FTO: variants seen among roughly 807,000 people sequenced by gnomAD.
FTO encodes FTO alpha-ketoglutarate dependent dioxygenase.
FTO carries 47 observed loss-of-function variants against 63.9 expected under a neutral mutation model. The observed-to-expected ratio is 0.74, with a 90% CI of 0.58 to 0.94. The LOEUF (loss-of-function observed/expected upper bound fraction) is 0.94, where lower values mean the gene tolerates loss of function less well. FTO is among the 40% of genes least tolerant of loss of function. FTO has a pLI of 0.00. For missense variants in FTO, 562 were observed against 618.1 expected, an observed-to-expected ratio of 0.91 and a Z score of 0.96; for synonymous variants, 207 against 224.4, an observed-to-expected ratio of 0.92 and a Z score of 0.69.
intron 4 of FTO, among the ~76,000 whole-genome samples, chr16:53,870,760 T>A (rs1276029674): frequency 2.0e-5 from 3 of 152,230 alleles, no homozygotes; most frequent in African/African-American, 7.2e-5. Context: ...TGATATTTGT[T>A]ACTTATGTTA....
intron 8 of FTO, chr16:54,070,544 G>A (rs538513920): frequency 6.6e-6 from 1 of 152,190 alleles, no homozygotes. Context: ...GGAATCTTTA[G>A]AATATCGTCC....
chr16:54,057,008 G>C (rs2085451582), intron 8 of FTO, among the ~76,000 whole-genome samples: 1 of 152,160 alleles, frequency 6.6e-6, no homozygotes, highest in Non-Finnish European at 1.5e-5. Flanking sequence ...ATAAAGCAAG[G>C]TCCCTGCCTT....
At chr16:53,920,750 T>G (rs2081989100) in intron 7 of FTO, among the ~76,000 whole-genome samples, 1 of 152,072 alleles carries the variant, frequency 6.6e-6, no homozygotes, top group Non-Finnish European at 1.5e-5. Context: ...GATTGCTGGA[T>G]GAAGTGAGAT....
intron 1 of FTO, among the ~76,000 whole-genome samples, chr16:53,767,800 C>T (rs974649637): frequency 2.6e-5 from 4 of 152,102 alleles, no homozygotes; most frequent in Admixed American, 2.6e-4. Context: ...ATATATTATT[C>T]ACCGGCCTGA....
chr16:54,022,122 G>A (rs1424075929), intron 8 of FTO, among the ~76,000 whole-genome samples: 7 of 151,690 alleles, frequency 4.6e-5, no homozygotes, highest in South Asian at 2.1e-4. Flanking sequence ...TTTCTTTATC[G>A]GAAGAAAAAA....
chr16:53,979,399 A>G (rs1400536916), intron 8 of FTO: 2 of 398,502 alleles, frequency 5.0e-6, no homozygotes, highest in South Asian at 2.5e-4. Context: ...AGATTCATCA[A>G]GAGAGAATGC....
chr16:53,936,026 G>A (rs918770281), intron 8 of FTO, among the ~76,000 whole-genome samples: 4 of 152,190 alleles, frequency 2.6e-5, no homozygotes, highest in Non-Finnish European at 5.9e-5. Context: ...CTTTTGTTGA[G>A]TGCATTTGGT....
chr16:54,075,779 A>G (rs566114499), intron 8 of FTO, among the ~76,000 whole-genome samples: 2 of 152,336 alleles, frequency 1.3e-5, no homozygotes, highest in South Asian at 2.1e-4. Context: ...GATGAAATTA[A>G]TCTGTTTTAC....
intron 1 of FTO, among the ~76,000 whole-genome samples, chr16:53,718,578 T>C (rs1410450301): frequency 6.6e-6 from 1 of 152,168 alleles, no homozygotes; most frequent in Non-Finnish European, 1.5e-5. Context: ...CAGATAGTCA[T>C]GTCTTCAACA....
chr16:54,095,187 A>G (rs2086489020), intron 8 of FTO, among the ~76,000 whole-genome samples: 1 of 152,112 alleles, frequency 6.6e-6, no homozygotes. Context: ...CTGTAGACTT[A>G]TGCCACTGTG....
intron 7 of FTO, among the ~76,000 whole-genome samples, chr16:53,923,489 C>T (rs1436186880): frequency 6.6e-6 from 1 of 152,150 alleles, no homozygotes; most frequent in African/African-American, 2.4e-5. Flanking sequence ...TAATCATGTA[C>T]AAAATCAGTC....
chr16:54,114,453 G>A lies in FTO; in HGVS notation c.*2538G>A, dbSNP rs1409718981. ...TATCCAATAAACATATTAAAAGGAT[G>A]AGATAAGAAACCGAGAGATTTTGCT... On this transcript the variant is annotated 3_prime_UTR_variant, in exon 9 of 9. Coordinates refer to ENST00000471389, the MANE Select transcript of FTO (RefSeq NM_001080432.3). The A allele has an allele frequency of 6.6e-6, 1 of 152,190 alleles. No homozygotes were observed. The highest frequency in any genetic ancestry group is 1.5e-5 in the Non-Finnish European group (1 of 68,038). The allele number at this position is 152,190 out of a possible 1,614,324, so 9.4% of individuals were successfully genotyped here.
intron 4 of FTO, among the ~76,000 whole-genome samples, chr16:53,857,203 TGATA>T (rs916634180): frequency 6.6e-5 from 10 of 152,184 alleles, no homozygotes; most frequent in Non-Finnish European, 1.0e-4. Flanking sequence ...GCGTAGTACC[TGATA>T]GATAATTTTT....
intron 8 of FTO, among the ~76,000 whole-genome samples, chr16:54,094,749 C>T (rs747192844): frequency 4.6e-5 from 7 of 152,120 alleles, no homozygotes; most frequent in East Asian, 1.9e-4. Context: ...TGGCCTAGGA[C>T]GCCACCGAAG....
rs372713919 is a variant in FTO, at chr16:53,933,973, C to T, written c.1240-12C>T. 8 of 1,613,124 alleles carry T rather than the reference C, an allele frequency of 5.0e-6. No individual in the cohort carries two copies. In the African/African-American group the frequency reaches 1.1e-4, roughly 22 times the overall value. On this transcript the variant is annotated splice_polypyrimidine_tract_variant and intron_variant, in intron 7 of 8. Coordinates refer to ENST00000471389, the MANE Select transcript of FTO (RefSeq NM_001080432.3). ...CACTTTTTCTTTCTCTGTTTTGGAT[C>T]ATTTCTTGTAGACAAATGCTGTGCT...
chr16:53,965,230 C>T (rs1219204021), intron 8 of FTO, among the ~76,000 whole-genome samples: 6 of 152,138 alleles, frequency 3.9e-5, no homozygotes, highest in African/African-American at 1.4e-4. Flanking sequence ...TGCGTCACCA[C>T]GCCTGGCTTG....
intron 7 of FTO, among the ~76,000 whole-genome samples, chr16:53,901,720 T>G (rs1365215287): frequency 6.6e-6 from 1 of 152,150 alleles, no homozygotes; most frequent in Non-Finnish European, 1.5e-5. Context: ...CTTTCCCACC[T>G]TTGCACATAA....
chr16:53,889,950 T>C (rs1227607169), intron 7 of FTO, among the ~76,000 whole-genome samples: 1 of 152,178 alleles, frequency 6.6e-6, no homozygotes, highest in Non-Finnish European at 1.5e-5. Flanking sequence ...AGGTGTAATA[T>C]ATTCCCCATT....
intron 8 of FTO, among the ~76,000 whole-genome samples, chr16:53,983,202 A>C (rs2083587174): frequency 6.6e-6 from 1 of 152,216 alleles, no homozygotes; most frequent in East Asian, 1.9e-4. Flanking sequence ...TAAAAGAGTC[A>C]AGCTGAAAAT....
Sources: gnomAD v4.1 joint callset for allele counts (sites outside exome capture counted in the v4.1 genomes callset) on GRCh38, gnomAD v4.1.1 for gene constraint, MANE v1.5 for transcripts, NCBI Gene and HGNC (gene_info 2026-07-23, HGNC 2026-07-21) for gene names.